Variants in CNPY1 observed in about 807,000 individuals in gnomAD.
CNPY1 encodes canopy FGF signaling regulator 1.
Under a neutral mutation model 14.4 loss-of-function variants are expected in CNPY1, and 14 were observed. That is an observed-to-expected ratio of 0.97 (90% CI 0.64 to 1.52). The LOEUF is 1.52. Among genes scored for constraint, CNPY1 ranks in the 40% most tolerant of loss-of-function variants. CNPY1 has a pLI of 0.00. For synonymous variants in CNPY1, 43 were observed against 46.5 expected (o/e 0.92, Z 0.31); for missense variants, 129 against 131.5 (o/e 0.98, Z 0.09).
At chr7:155,529,401 A>T (rs1585326717) in intron 2 of CNPY1, among the ~76,000 whole-genome samples, 1 of 152,132 alleles carries the variant, frequency 6.6e-6, no homozygotes, top group South Asian at 2.1e-4. Context: ...GTCCCAAGCT[A>T]GGGCCTTGAA....
chr7:155,506,211 C>A, intron 4 of CNPY1, among the ~76,000 whole-genome samples: 1 of 152,070 alleles, frequency 6.6e-6, no homozygotes, highest in Non-Finnish European at 1.5e-5. Flanking sequence ...TTAAAAGTAC[C>A]CCACTGGCTT....
At chr7:155,524,203 C>T (rs1239470264) in intron 2 of CNPY1, among the ~76,000 whole-genome samples, 1 of 152,200 alleles carries the variant, frequency 6.6e-6, no homozygotes, top group Admixed American at 6.5e-5. Context: ...CAATGGCCCC[C>T]GCTTCTGCCC....
chr7:155,502,870 C>T lies in CNPY1; in HGVS notation c.*198G>A, dbSNP rs1305009620. On this transcript the variant is annotated 3_prime_UTR_variant, in exon 5 of 5. Coordinates refer to ENST00000636446, the MANE Select transcript of CNPY1 (RefSeq NM_001393663.1). ...AATTTAAGTTTCATGTACTCCTCAG[C>T]TTCACCTATAAAAAAACGCAGGGTT... 5.6e-6 allele frequency: 3 copies of T among 537,848 alleles called. No individual in the cohort carries two copies. Among genetic ancestry groups the T allele is most frequent in the African/African-American group, 3.8e-5 (2 of 52,892 alleles). The allele number at this position is 537,848 out of a possible 1,614,324, so 33.3% of individuals were successfully genotyped here.
At chr7:155,519,305 T>C (rs1411132888) in intron 2 of CNPY1, among the ~76,000 whole-genome samples, 1 of 152,124 alleles carries the variant, frequency 6.6e-6, no homozygotes, top group Non-Finnish European at 1.5e-5. Context: ...GAGGATCCTT[T>C]GATCTCTTGT....
chr7:155,515,797 G>A (rs1796611914), intron 2 of CNPY1, among the ~76,000 whole-genome samples: 3 of 152,202 alleles, frequency 2.0e-5, no homozygotes, highest in Admixed American at 2.0e-4. Context: ...CTGGTTCCCA[G>A]GGTCTAGAAA....
At chr7:155,515,309 G>GTA in intron 2 of CNPY1, among the ~76,000 whole-genome samples, 1 of 101,042 alleles carries the variant, frequency 9.9e-6, no homozygotes, top group Non-Finnish European at 2.0e-5. Flanking sequence ...CCCCCCCCCC[G>GTA]GCCCCGGCCA....
intron 2 of CNPY1, among the ~76,000 whole-genome samples, chr7:155,522,443 C>T (rs1277393213): frequency 6.6e-6 from 1 of 152,248 alleles, no homozygotes; most frequent in Non-Finnish European, 1.5e-5. Context: ...GTCAGGGTGT[C>T]CCTGCTGGGG....
intron 2 of CNPY1, among the ~76,000 whole-genome samples, chr7:155,520,717 A>G (rs10232937): frequency 0.56 from 85,459 of 152,006 alleles, 24,241 homozygotes; most frequent in Middle Eastern, 0.69. Flanking sequence ...TAATAATCTC[A>G]AAATGACATT....
chr7:155,518,305 G>T (rs1453793245), intron 2 of CNPY1: 3 of 157,788 alleles, frequency 1.9e-5, no homozygotes, highest in Non-Finnish European at 4.1e-5. Flanking sequence ...GAGGAAGAGG[G>T]TGGCTACCTG....
At chr7:155,532,161 A>C (rs1211016597) in intron 2 of CNPY1, among the ~76,000 whole-genome samples, 1 of 152,246 alleles carries the variant, frequency 6.6e-6, no homozygotes, top group Non-Finnish European at 1.5e-5. Context: ...GGTTCTGAAA[A>C]TTCAGCGTGA....
intron 2 of CNPY1, among the ~76,000 whole-genome samples, chr7:155,537,777 ATCT>A (rs1797040589): frequency 6.6e-6 from 1 of 152,184 alleles, no homozygotes; most frequent in South Asian, 2.1e-4. Context: ...ATAGTGTTCC[ATCT>A]TCTTAAGAAC....
At chr7:155,527,734 G>C (rs1432736603) in intron 2 of CNPY1, among the ~76,000 whole-genome samples, 1 of 152,002 alleles carries the variant, frequency 6.6e-6, no homozygotes, top group African/African-American at 2.4e-5. Flanking sequence ...TTACAGGGCT[G>C]AGCCACGGCA....
At chr7:155,522,633 G>A (rs1563091847) in intron 2 of CNPY1, among the ~76,000 whole-genome samples, 1 of 152,152 alleles carries the variant, frequency 6.6e-6, no homozygotes, top group South Asian at 2.1e-4. Flanking sequence ...TGAGTGTCAG[G>A]GCCAGAGGGG....
intron 2 of CNPY1, among the ~76,000 whole-genome samples, chr7:155,519,861 G>A (rs529148697): frequency 9.9e-5 from 15 of 152,204 alleles, no homozygotes; most frequent in South Asian, 6.2e-4. Flanking sequence ...AGACATTTCC[G>A]TGGTATTACA....
intron 2 of CNPY1, among the ~76,000 whole-genome samples, chr7:155,527,436 T>TAA (rs1253710257): frequency 2.3e-4 from 21 of 92,102 alleles, no homozygotes; most frequent in African/African-American, 1.1e-3. Context: ...ATTAATTTCT[T>TAA]TTTTTTTTTT....
Position 155,521,937 on chromosome 7 carries a change from C to T in CNPY1, c.100-12840G>A, listed in dbSNP as rs141990991. On this transcript the variant is annotated intron_variant, in intron 2 of 4. Transcript: ENST00000636446. ...CCTGCGGCTGACATCATCCTATCTC[C>T]GGAAGGGCAGGTCCCCAACTGCTCA... Among the ~76,000 whole-genome samples the T allele has an allele frequency of 6.4e-4, 98 of 152,342 alleles. 1 individual carries two copies. Among genetic ancestry groups the T allele is most frequent in the African/African-American group, 2.2e-3 (90 of 41,574 alleles).
chr7:155,531,197 G>C (rs540359059), intron 2 of CNPY1, among the ~76,000 whole-genome samples: 1 of 152,206 alleles, frequency 6.6e-6, no homozygotes, highest in South Asian at 2.1e-4. Flanking sequence ...CCCCAGCTGA[G>C]AGCCGGTGCT....
At position 155,536,330 on chromosome 7, in the gene CNPY1, G is replaced by C. The variant is rs1389717879; in HGVS notation, c.99+9501C>G. Among the ~76,000 whole-genome samples, 1 of 152,126 alleles carries C rather than the reference G, an allele frequency of 6.6e-6. No homozygotes were observed. The highest frequency in any genetic ancestry group is 2.4e-5 in the African/African-American group (1 of 41,402). The stretch of plus-strand genomic sequence containing the variant: ...TGGGAGGTTAGAAAGCCTACGGGCC[G>C]CTCTGTGCTTGAGACCTATAGTCAT... On this transcript the variant is annotated intron_variant, in intron 2 of 4. Transcript: ENST00000636446. The surrounding 1 kb of genome is among the most constrained non-coding windows in gnomAD (Gnocchi z 4.1).
At chr7:155,543,984 G>T (rs1032061414) in intron 2 of CNPY1, among the ~76,000 whole-genome samples, 22 of 152,202 alleles carry the variant, frequency 1.4e-4, no homozygotes, top group African/African-American at 5.3e-4. Context: ...CCTTGAAGTG[G>T]AACATCCTCC....
Sources: allele counts gnomAD v4.1 joint callset (sites outside exome capture counted in the v4.1 genomes callset), GRCh38; gene constraint gnomAD v4.1.1; non-coding constraint Gnocchi (gnomAD v3.1); transcripts MANE v1.5; gene names NCBI Gene and HGNC (gene_info 2026-07-23, HGNC 2026-07-21).